The following CDH4 variants were observed in gnomAD, a reference collection of about 807,000 sequenced individuals.
CDH4 encodes cadherin-4.
Under a neutral mutation model 86.0 loss-of-function variants are expected in CDH4, and 33 were observed. The ratio of observed to expected loss-of-function variants is 0.38; its 90% CI spans 0.29 to 0.51. CDH4 has a LOEUF of 0.51. Ranked by LOEUF, CDH4 falls within the 20% of genes least tolerant of loss-of-function variation. CDH4 has a pLI of 0.86. For synonymous variants in CDH4, 555 were observed against 549.4 expected (o/e 1.01, Z -0.14); for missense variants, 1,114 against 1,307.4 (o/e 0.85, Z 2.28).
intron 2 of CDH4, among the ~76,000 whole-genome samples, chr20:61,592,522 A>G (rs992264688): frequency 2.6e-5 from 4 of 152,180 alleles, no homozygotes; most frequent in African/African-American, 9.7e-5. Flanking sequence ...TAGTACATTC[A>G]GAGTTGTGCA....
chr20:61,804,816 G>T (rs745739954), intron 4 of CDH4, among the ~76,000 whole-genome samples: 2 of 152,232 alleles, frequency 1.3e-5, no homozygotes, highest in African/African-American at 2.4e-5. Context: ...GGACTCATCT[G>T]TTGCAAGGGG....
chr20:61,760,017 C>T (rs2088613706), intron 3 of CDH4, among the ~76,000 whole-genome samples: 1 of 152,364 alleles, frequency 6.6e-6, no homozygotes, highest in South Asian at 2.1e-4. Flanking sequence ...CCAGAACATT[C>T]TGGAACCTCC....
intron 3 of CDH4, among the ~76,000 whole-genome samples, chr20:61,748,133 ATTTCT>A (rs202175910): frequency 0.013 from 2,046 of 152,086 alleles, 43 homozygotes; most frequent in African/African-American, 0.044. Context: ...CCATTGAATG[ATTTCT>A]TTTCTTTTTT....
At chr20:61,901,937 G>A (rs978599354) in intron 8 of CDH4, among the ~76,000 whole-genome samples, 2 of 152,220 alleles carry the variant, frequency 1.3e-5, no homozygotes, top group South Asian at 4.1e-4. Context: ...GCAGTCGGCC[G>A]TGGCTCATCT....
At chr20:61,557,623 C>T (rs1388509653) in intron 2 of CDH4, among the ~76,000 whole-genome samples, 1 of 152,178 alleles carries the variant, frequency 6.6e-6, no homozygotes, top group Non-Finnish European at 1.5e-5. Flanking sequence ...AGTGAAAATG[C>T]CGCTCTTTTA....
intron 2 of CDH4, among the ~76,000 whole-genome samples, chr20:61,690,377 TG>T (rs1019214168): frequency 6.6e-6 from 1 of 152,122 alleles, no homozygotes; most frequent in Non-Finnish European, 1.5e-5. Context: ...TTAGTAAGTT[TG>T]GTGCATTCAA....
intron 2 of CDH4, among the ~76,000 whole-genome samples, chr20:61,324,301 TCCTGGGGCTGC>T (rs952324332): frequency 2.0e-5 from 3 of 152,180 alleles, no homozygotes; most frequent in Non-Finnish European, 2.9e-5. Flanking sequence ...TGCATTAGTG[TCCTGGGGCTGC>T]CACAACAAAT....
chr20:61,277,077 G>A (rs2084235227), intron 2 of CDH4, among the ~76,000 whole-genome samples: 1 of 152,150 alleles, frequency 6.6e-6, no homozygotes, highest in African/African-American at 2.4e-5. Context: ...GCACTGGTCT[G>A]CCTGCTGAGC....
At chr20:61,598,808 A>C (rs1195439936) in intron 2 of CDH4, among the ~76,000 whole-genome samples, 1 of 152,168 alleles carries the variant, frequency 6.6e-6, no homozygotes, top group African/African-American at 2.4e-5. Flanking sequence ...GGGGTCCTCC[A>C]TGGAAGTGTG....
chr20:61,797,551 G>GAAA (rs929316168), intron 4 of CDH4, among the ~76,000 whole-genome samples: 3 of 152,196 alleles, frequency 2.0e-5, no homozygotes, highest in African/African-American at 7.2e-5. Context: ...AGTGCTTTGG[G>GAAA]AGGCAGGTGG....
At chr20:61,538,353 G>A (rs1258821578) in intron 2 of CDH4, among the ~76,000 whole-genome samples, 1 of 152,148 alleles carries the variant, frequency 6.6e-6, no homozygotes, top group Non-Finnish European at 1.5e-5. Context: ...GAGATTGGTA[G>A]GAGAGGAATC....
At chr20:61,307,843 C>T (rs1300574386) in intron 2 of CDH4, among the ~76,000 whole-genome samples, 1 of 152,202 alleles carries the variant, frequency 6.6e-6, no homozygotes, top group Non-Finnish European at 1.5e-5. Context: ...AGCCGGGCTC[C>T]ACCCACGGGG....
chr20:61,443,255 A>G (rs889679061), intron 2 of CDH4, among the ~76,000 whole-genome samples: 1 of 152,224 alleles, frequency 6.6e-6, no homozygotes, highest in South Asian at 2.1e-4. Flanking sequence ...GGTGCAGTAA[A>G]TATTCCAGAG....
At chr20:61,403,560 C>T (rs1355098463) in intron 2 of CDH4, among the ~76,000 whole-genome samples, 3 of 152,226 alleles carry the variant, frequency 2.0e-5, no homozygotes, top group South Asian at 2.1e-4. Context: ...ATCAAATCAT[C>T]GTGGAAAACA....
At chr20:61,445,821 C>T (rs2085346878) in intron 2 of CDH4, among the ~76,000 whole-genome samples, 1 of 152,260 alleles carries the variant, frequency 6.6e-6, no homozygotes, top group Non-Finnish European at 1.5e-5. Context: ...GGTCCTTCGC[C>T]CTTTCCTGAT....
At position 61,708,311 on chromosome 20, in the gene CDH4, C is replaced by T. The variant is rs1339261533; in HGVS notation, c.170-35252C>T. 6.6e-6 allele frequency among the ~76,000 whole-genome samples: 1 copy of T among 151,862 alleles called. No individual in the cohort carries two copies. Among genetic ancestry groups the T allele is most frequent in the Non-Finnish European group, 1.5e-5 (1 of 67,942 alleles). ...GCACCCCGCTGACTCAGACTCCCCG[C>T]CCCCCGCCTACCCCCAGCAGCTTGG... On this transcript the variant is annotated intron_variant, in intron 2 of 15. Coordinates refer to ENST00000614565, the MANE Select transcript of CDH4 (RefSeq NM_001794.5). This position sits in a 1 kb window ranked among gnomAD's most constrained non-coding sequence, Gnocchi z 4.5.
At chr20:61,833,090 T>G (rs563082874) in intron 4 of CDH4, among the ~76,000 whole-genome samples, 9 of 152,150 alleles carry the variant, frequency 5.9e-5, no homozygotes, top group Admixed American at 2.6e-4. Context: ...CTGAGCACGG[T>G]ACTCAGCCCC....
chr20:61,844,907 G>A, intron 5 of CDH4, 84 bp downstream of exon 5: 1 of 1,354,580 alleles, frequency 7.4e-7, no homozygotes, highest in Non-Finnish European at 1.0e-6. Flanking sequence ...CCCCAGCAGG[G>A]CCATGCCTGC....
At position 61,518,555 on chromosome 20, in the gene CDH4, CCTT is replaced by C. The variant is rs1455237936; in HGVS notation, c.170-225005_170-225003del. 2.0e-5 allele frequency among the ~76,000 whole-genome samples: 3 copies of C among 151,270 alleles called. No individual in the cohort carries two copies. Among genetic ancestry groups the C allele is most frequent in the East Asian group, 3.9e-4 (2 of 5,074 alleles). ...CATCTATCCATCATTCATCCATCAT[CCTT>C]CTATTTGTCATCTATCCATCCATAT... On this transcript the variant is annotated intron_variant, in intron 2 of 15. Coordinates refer to ENST00000614565, the MANE Select transcript of CDH4 (RefSeq NM_001794.5). This position sits in a 1 kb window ranked among gnomAD's most constrained non-coding sequence, Gnocchi z 6.3.
Sources: allele counts gnomAD v4.1 joint callset (sites outside exome capture counted in the v4.1 genomes callset), GRCh38; gene constraint gnomAD v4.1.1; non-coding constraint Gnocchi (gnomAD v3.1); transcripts MANE v1.5; gene names NCBI Gene and HGNC (gene_info 2026-07-23, HGNC 2026-07-21).